PRELID2: variants seen among roughly 807,000 people sequenced by gnomAD.
The protein encoded by PRELID2 is PRELI domain-containing protein 2.
Under a neutral mutation model 28.4 loss-of-function variants are expected in PRELID2, and 25 were observed. The observed-to-expected ratio is 0.88, with a 90% CI of 0.64 to 1.23. The LOEUF (loss-of-function observed/expected upper bound fraction) is 1.23, where lower values mean the gene tolerates loss of function less well. PRELID2 is among the 50% of genes most tolerant of loss of function. The pLI is 0.00. For synonymous variants in PRELID2, 76 were observed against 71.6 expected, an observed-to-expected ratio of 1.06 and a Z score of -0.31; for missense variants, 201 against 214.4, an observed-to-expected ratio of 0.94 and a Z score of 0.39.
intron 1 of PRELID2, among the ~76,000 whole-genome samples, chr5:145,677,428 T>TATGG (rs1448197968): frequency 1.3e-5 from 2 of 152,200 alleles, no homozygotes; most frequent in Non-Finnish European, 2.9e-5. Context: ...GTGTTGGGAT[T>TATGG]ATGGGCCTGA....
chr5:145,636,860 A>AT (rs970570163), intron 1 of PRELID2, among the ~76,000 whole-genome samples: 1 of 152,212 alleles, frequency 6.6e-6, no homozygotes, highest in South Asian at 2.1e-4. Flanking sequence ...GAATTATTAC[A>AT]TTTTTTAAAG....
chr5:145,458,647 T>C, the PRELID2 span, among the ~76,000 whole-genome samples: 1 of 152,268 alleles, frequency 6.6e-6, no homozygotes, highest in East Asian at 1.9e-4. Context: ...AAACAAAGAA[T>C]TATTCTATCT....
At chr5:145,353,577 A>G in the PRELID2 span, among the ~76,000 whole-genome samples, 4 of 152,210 alleles carry the variant, frequency 2.6e-5, no homozygotes, top group Admixed American at 2.6e-4. Flanking sequence ...GGAACTTACA[A>G]TCATGGTGGA....
chr5:145,241,897 A>G, the PRELID2 span, among the ~76,000 whole-genome samples: 1 of 151,980 alleles, frequency 6.6e-6, no homozygotes, highest in Non-Finnish European at 1.5e-5. Flanking sequence ...ATCCAGGAGG[A>G]AACATTCTTT....
the PRELID2 span, among the ~76,000 whole-genome samples, chr5:145,357,431 A>C: frequency 6.6e-6 from 1 of 152,056 alleles, no homozygotes; most frequent in Non-Finnish European, 1.5e-5. Context: ...AGTTTTATTC[A>C]TTCTTCTTTA....
At chr5:145,630,279 A>G (rs1478637336) in intron 1 of PRELID2, among the ~76,000 whole-genome samples, 1 of 152,118 alleles carries the variant, frequency 6.6e-6, no homozygotes, top group Non-Finnish European at 1.5e-5. Context: ...TGGAGCAATG[A>G]GGTGATTCCA....
At chr5:145,486,716 C>G (rs1752221773) in intron 1 of PRELID2, among the ~76,000 whole-genome samples, 1 of 152,104 alleles carries the variant, frequency 6.6e-6, no homozygotes, top group South Asian at 2.1e-4. Context: ...CTTCTACTAC[C>G]TTAGTCATAG....
the PRELID2 span, among the ~76,000 whole-genome samples, chr5:145,254,632 T>C: frequency 0.05 from 7,596 of 152,120 alleles, 332 homozygotes; most frequent in African/African-American, 0.11. Flanking sequence ...GAAGTGACAT[T>C]CTGAACCTAG....
chr5:145,644,938 T>C (rs1754172077), intron 1 of PRELID2, among the ~76,000 whole-genome samples: 1 of 152,216 alleles, frequency 6.6e-6, no homozygotes, highest in Non-Finnish European at 1.5e-5. Flanking sequence ...CTTCCAACTA[T>C]GTGGTCAATT....
At chr5:145,449,567 A>G in the PRELID2 span, among the ~76,000 whole-genome samples, 2 of 152,054 alleles carry the variant, frequency 1.3e-5, no homozygotes, top group African/African-American at 4.8e-5. Flanking sequence ...GCCAAAATGC[A>G]ACTTTTGTGT....
chr5:145,475,509 C>T (rs1443990379), intron 1 of PRELID2, among the ~76,000 whole-genome samples: 3 of 152,132 alleles, frequency 2.0e-5, no homozygotes, highest in Admixed American at 6.6e-5. Context: ...CATTCTCAAA[C>T]GCAGTTCTTA....
the PRELID2 span, among the ~76,000 whole-genome samples, chr5:145,463,975 A>G: frequency 6.6e-6 from 1 of 152,168 alleles, no homozygotes; most frequent in Non-Finnish European, 1.5e-5. Context: ...ACATTACAAG[A>G]GGATTATGGG....
the PRELID2 span, among the ~76,000 whole-genome samples, chr5:145,465,163 T>C: frequency 3.3e-4 from 50 of 152,214 alleles, no homozygotes; most frequent in African/African-American, 1.1e-3. Flanking sequence ...TTGAAATTAA[T>C]AGTGTAGTTT....
the PRELID2 span, among the ~76,000 whole-genome samples, chr5:145,422,381 G>A: frequency 2.6e-5 from 4 of 152,096 alleles, no homozygotes; most frequent in South Asian, 6.2e-4. Flanking sequence ...TCTCTTTGTA[G>A]GTCACTCAGG....
At chr5:145,735,882 T>C (rs780926808) in intron 1 of PRELID2, among the ~76,000 whole-genome samples, 11 of 152,218 alleles carry the variant, frequency 7.2e-5, no homozygotes, top group Non-Finnish European at 1.5e-5. Flanking sequence ...ATGATCAGCA[T>C]GACCGACCAC....
the PRELID2 span, among the ~76,000 whole-genome samples, chr5:145,298,880 T>G: frequency 6.6e-6 from 1 of 152,324 alleles, no homozygotes; most frequent in Non-Finnish European, 1.5e-5. Flanking sequence ...TCCTTTCATA[T>G]ATTTACATTG....
At chr5:145,364,313 A>G in the PRELID2 span, among the ~76,000 whole-genome samples, 1 of 152,002 alleles carries the variant, frequency 6.6e-6, no homozygotes, top group Non-Finnish European at 1.5e-5. Flanking sequence ...TGGGGGATGC[A>G]TTACAACTAT....
At chr5:145,494,800 C>G (rs967295725) in intron 1 of PRELID2, among the ~76,000 whole-genome samples, 1 of 152,234 alleles carries the variant, frequency 6.6e-6, no homozygotes, top group African/African-American at 2.4e-5. Context: ...CTGCAAATCT[C>G]ATTGAATAGA....
chr5:145,544,668 G>C (rs949321542), intron 1 of PRELID2, among the ~76,000 whole-genome samples: 3 of 151,964 alleles, frequency 2.0e-5, no homozygotes, highest in African/African-American at 7.3e-5. Context: ...TGTCTCTTTG[G>C]CTCCCCATAA....
Sources: gnomAD v4.1 joint callset for allele counts (sites outside exome capture counted in the v4.1 genomes callset) on GRCh38, gnomAD v4.1.1 for gene constraint, MANE v1.5 for transcripts, NCBI Gene and HGNC (gene_info 2026-07-23, HGNC 2026-07-21) for gene names.